NRCAM: variants seen among roughly 807,000 people sequenced by gnomAD.
NRCAM encodes NgCAM-related cell adhesion molecule.
Under a neutral mutation model 156.5 loss-of-function variants are expected in NRCAM, and 83 were observed. That is an observed-to-expected ratio of 0.53 (90% CI 0.44 to 0.64). The LOEUF is 0.64. Ranked by LOEUF, NRCAM falls within the 30% of genes least tolerant of loss-of-function variation. NRCAM has a pLI of 0.00. For synonymous variants in NRCAM, 538 were observed against 563.9 expected (o/e 0.95, Z 0.65); for missense variants, 1,417 against 1,597.3 (o/e 0.89, Z 1.92).
chr7:108,279,022 G>A (rs1416550972), intron 3 of NRCAM, among the ~76,000 whole-genome samples: 3 of 152,196 alleles, frequency 2.0e-5, no homozygotes, highest in East Asian at 3.9e-4. Context: ...CATATAGAAA[G>A]TAAGAGGCCA....
At chr7:108,378,967 T>C (rs529624997) in intron 2 of NRCAM, among the ~76,000 whole-genome samples, 1 of 152,248 alleles carries the variant, frequency 6.6e-6, no homozygotes, top group African/African-American at 2.4e-5. Flanking sequence ...TACAGCTAGC[T>C]GAACCTGAAA....
chr7:108,181,432 T>C (rs1202640488), intron 24 of NRCAM, among the ~76,000 whole-genome samples: 1 of 152,220 alleles, frequency 6.6e-6, no homozygotes, highest in Non-Finnish European at 1.5e-5. Context: ...TATTCTGAAT[T>C]ATTTTAAAAA....
Position 108,148,083 on chromosome 7 carries a change from A to G in NRCAM, c.*1827T>C, listed in dbSNP as rs919041702. ...GATTACTTTAAATTATGCTTTACCT[A>G]CATATATCAAACATGCCAGGTTACT... On this transcript the variant is annotated 3_prime_UTR_variant, in exon 33 of 33. Coordinates refer to ENST00000379028, the MANE Select transcript of NRCAM (RefSeq NM_001037132.4). The G allele has an allele frequency of 6.6e-6, 1 of 152,636 alleles. No homozygotes were observed. The highest frequency in any genetic ancestry group is 2.4e-5 in the African/African-American group (1 of 41,446). The allele number at this position is 152,636 out of a possible 1,614,324, so 9.5% of individuals were successfully genotyped here. A position where few individuals can be genotyped will look rare whatever the true frequency, so the allele number is the denominator to read the frequency against.
chr7:108,315,112 A>G (rs1055776168), intron 2 of NRCAM, among the ~76,000 whole-genome samples: 1 of 152,140 alleles, frequency 6.6e-6, no homozygotes, highest in Non-Finnish European at 1.5e-5. Flanking sequence ...GCAAGAATAT[A>G]TTTATATATC....
chr7:108,359,703 C>T (rs145855792), intron 2 of NRCAM, among the ~76,000 whole-genome samples: 245 of 151,972 alleles, frequency 1.6e-3, no homozygotes, highest in South Asian at 2.9e-3. Flanking sequence ...TTTTTATTTT[C>T]GACCTAAAAA....
Position 108,195,912 on chromosome 7 carries a change from C to A in NRCAM, c.1352-40G>T, listed in dbSNP as rs747672835. On this transcript the variant is annotated intron_variant, in intron 14 of 32. Coordinates refer to ENST00000379028, the MANE Select transcript of NRCAM (RefSeq NM_001037132.4). ...AAAAGGTAAAGTAAATATTAGAATA[C>A]ATTTTAGGACTATCGTTTATTTATT... 47 of 1,210,938 alleles carry A rather than the reference C, an allele frequency of 3.9e-5. 1 individual carries two copies. Among genetic ancestry groups the A allele is most frequent in the Non-Finnish European group, 5.7e-5 (47 of 827,072 alleles). The allele number at this position is 1,210,938 out of a possible 1,614,324, so 75.0% of individuals were successfully genotyped here. A position where few individuals can be genotyped will look rare whatever the true frequency, so the allele number is the denominator to read the frequency against.
chr7:108,323,219 C>G (rs2099023422), intron 2 of NRCAM, among the ~76,000 whole-genome samples: 1 of 152,192 alleles, frequency 6.6e-6, no homozygotes, highest in South Asian at 2.1e-4. Context: ...ATGAAGTTTG[C>G]ATTTTCAGAG....
intron 3 of NRCAM, among the ~76,000 whole-genome samples, chr7:108,250,746 T>G (rs2153895846): frequency 6.6e-6 from 1 of 152,110 alleles, no homozygotes; most frequent in East Asian, 1.9e-4. Context: ...TTAAAATAAC[T>G]AAAAGAGTAT....
intron 5 of NRCAM, among the ~76,000 whole-genome samples, chr7:108,237,240 T>C (rs1468023171): frequency 6.6e-6 from 1 of 152,198 alleles, no homozygotes; most frequent in Non-Finnish European, 1.5e-5. Context: ...TTTTGTCCAC[T>C]TCAAGACAAG....
At chr7:108,290,868 G>A (rs1386917428) in intron 3 of NRCAM, among the ~76,000 whole-genome samples, 1 of 152,106 alleles carries the variant, frequency 6.6e-6, no homozygotes, top group Non-Finnish European at 1.5e-5. Context: ...TAGCCTCAAA[G>A]CTCTGCAGCA....
At chr7:108,388,628 C>T (rs1398856310) in intron 2 of NRCAM, among the ~76,000 whole-genome samples, 24 of 152,162 alleles carry the variant, frequency 1.6e-4, no homozygotes, top group Non-Finnish European at 1.0e-4. Context: ...ACTTGAAGTG[C>T]TTGCCCATGC....
chr7:108,283,330 A>G (rs900204915), intron 3 of NRCAM, among the ~76,000 whole-genome samples: 1 of 152,248 alleles, frequency 6.6e-6, no homozygotes. Flanking sequence ...GTACAATTAC[A>G]TGAGTGATCA....
chr7:108,249,169 A>G (rs2096175022), intron 3 of NRCAM, among the ~76,000 whole-genome samples: 1 of 152,150 alleles, frequency 6.6e-6, no homozygotes, highest in Admixed American at 6.5e-5. Flanking sequence ...GATTACTACA[A>G]TCTTCCCAGC....
intron 2 of NRCAM, among the ~76,000 whole-genome samples, chr7:108,343,355 AG>A (rs994359846): frequency 6.6e-6 from 1 of 152,216 alleles, no homozygotes; most frequent in Admixed American, 6.5e-5. Context: ...ATCAAACATC[AG>A]GAAGCCATTA....
intron 3 of NRCAM, among the ~76,000 whole-genome samples, chr7:108,294,098 A>G (rs939408500): frequency 1.3e-5 from 2 of 152,098 alleles, no homozygotes; most frequent in African/African-American, 4.8e-5. Context: ...CTGAATCTTA[A>G]AATGAGGCAG....
In NRCAM at chr7:108,288,279, A is replaced by G. The variant is rs564931111; in HGVS notation, c.-107+24386T>C. On this transcript the variant is annotated intron_variant, in intron 3 of 32. Coordinates refer to ENST00000379028, the MANE Select transcript of NRCAM (RefSeq NM_001037132.4). ...GGGGATGAGGGATGAAAAATTACCT[A>G]TTGGGTACGATGTTCACTATTGGGG... is the stretch of plus-strand genomic sequence containing the variant. Among the ~76,000 whole-genome samples the G allele has an allele frequency of 5.3e-5, 8 of 152,170 alleles. No homozygotes were observed. The East Asian group carries it at 1.5e-3, about 29-fold the overall frequency.
chr7:108,431,474 C>A (rs764948888), intron 1 of NRCAM, among the ~76,000 whole-genome samples: 52 of 152,130 alleles, frequency 3.4e-4, no homozygotes, highest in Non-Finnish European at 6.5e-4. Context: ...GAGCAGAGGA[C>A]AGTAATGGCA....
chr7:108,316,385 T>C (rs2098921391), intron 2 of NRCAM, among the ~76,000 whole-genome samples: 1 of 152,204 alleles, frequency 6.6e-6, no homozygotes, highest in Non-Finnish European at 1.5e-5. Flanking sequence ...TTTATTTTCC[T>C]TATAAATTAC....
chr7:108,400,985 T>A (rs773647233), intron 1 of NRCAM, among the ~76,000 whole-genome samples: 5 of 152,038 alleles, frequency 3.3e-5, no homozygotes, highest in Non-Finnish European at 7.4e-5. Flanking sequence ...ACAGGCCAGG[T>A]CCAGTGGCTC....
Sources: gnomAD v4.1 joint callset for allele counts (sites outside exome capture counted in the v4.1 genomes callset) on GRCh38, gnomAD v4.1.1 for gene constraint, MANE v1.5 for transcripts, NCBI Gene and HGNC (gene_info 2026-07-23, HGNC 2026-07-21) for gene names.